Variants in ZNF300 observed in about 807,000 individuals in gnomAD.
ZNF300 encodes the protein kruppel-like zinc finger protein.
Under a neutral mutation model 13.9 loss-of-function variants are expected in ZNF300, and 6 were observed. The observed-to-expected ratio is 0.43, with a 90% CI of 0.24 to 0.85. ZNF300 has a LOEUF of 0.85. ZNF300 is among the 40% of genes least tolerant of loss of function. The pLI is 0.25. For synonymous variants in ZNF300, 237 were observed against 242.2 expected (o/e 0.98, Z 0.20); for missense variants, 662 against 714.2 (o/e 0.93, Z 0.83).
Position 150,896,655 on chromosome 5 carries a change from T to TTTAAG in ZNF300, c.579_583dup (p.Lys195ThrfsTer2). 2 of 1,613,530 alleles carry TTTAAG rather than the reference T, an allele frequency of 1.2e-6. No individual in the cohort carries two copies. Among genetic ancestry groups the TTTAAG allele is most frequent in the Non-Finnish European group, 8.5e-7 (1 of 1,179,768 alleles). On this transcript the variant is annotated stop_gained and frameshift_variant, in exon 6 of 6. Coordinates refer to ENST00000274599, the MANE Select transcript of ZNF300 (RefSeq NM_052860.4). LOFTEE classifies it low-confidence loss of function (END_TRUNC). ...ACAACTCGGTAGGTCAATATTTGGT[T>TTTAAG]TTAAGTTCTTTTTAAAAGCATCATA...
intron 3 of ZNF300, among the ~76,000 whole-genome samples, chr5:150,898,905 T>C (rs1031735778): frequency 6.6e-6 from 1 of 152,016 alleles, no homozygotes; most frequent in Non-Finnish European, 1.5e-5. Context: ...TATTTATATG[T>C]TGAAGTCCTA....
chr5:150,897,889 C>A, intron 5 of ZNF300, 173 bp downstream of exon 5: 1 of 715,576 alleles, frequency 1.4e-6, no homozygotes, highest in Non-Finnish European at 2.2e-6. Flanking sequence ...TATATACACA[C>A]AAGAGACAGG....
intron 2 of ZNF300, chr5:150,903,529 A>G (rs886110571): frequency 3.0e-6 from 2 of 676,704 alleles, no homozygotes; most frequent in African/African-American, 3.6e-5. Context: ...GGCAATAATC[A>G]TGGATAGCTA....
rs773634665 is a variant in ZNF300 at position 150,896,030 on chromosome 5, A to G, written c.1209T>C (p.His403=). 3.7e-6 allele frequency: 6 copies of G among 1,613,224 alleles called. No homozygotes were observed. The East Asian group carries it at 8.9e-5, about 24-fold the overall frequency. Residue 403 remains histidine, a synonymous_variant, in exon 6 of 6, where the codon CAT becomes CAC. Coordinates refer to ENST00000274599, the MANE Select transcript of ZNF300 (RefSeq NM_052860.4). The part of the protein sequence containing the change: ...KSQLIIHHRA[H]TGEKPYECTE... ...TACACTCATACGGCTTCTCTCCAGTATGAGCTCTGTGGTGTATAATCAGCT... is the reference window on the plus strand; with the variant it reads ...TACACTCATACGGCTTCTCTCCAGTGTGAGCTCTGTGGTGTATAATCAGCT...
chr5:150,903,192 C>T lies in ZNF300; in HGVS notation c.-27-10G>A, dbSNP rs1353981064. ...CCAAAAGGCCAGATGACTGAAAAAGCAAAACTGGTGATCAGAATGTTTTTC... is the reference window on the plus strand; with the variant it reads ...CCAAAAGGCCAGATGACTGAAAAAGTAAAACTGGTGATCAGAATGTTTTTC... On this transcript the variant is annotated splice_polypyrimidine_tract_variant and intron_variant, in intron 2 of 5. Coordinates refer to ENST00000274599, the MANE Select transcript of ZNF300 (RefSeq NM_052860.4). 2.5e-6 allele frequency: 4 copies of T among 1,613,752 alleles called. No individual in the cohort carries two copies. Among genetic ancestry groups the T allele is most frequent in the Admixed American group, 1.7e-5 (1 of 59,994 alleles).
At chr5:150,897,300 T>C (rs1401669746) in intron 5 of ZNF300, 2 of 216,188 alleles carry the variant, frequency 9.3e-6, no homozygotes, top group East Asian at 1.0e-4. Flanking sequence ...ATTTATATTA[T>C]AAATCATGTG....
chr5:150,899,165 AT>A, intron 3 of ZNF300, among the ~76,000 whole-genome samples: 1 of 152,228 alleles, frequency 6.6e-6, no homozygotes, highest in Non-Finnish European at 1.5e-5. Context: ...AACAACCTTG[AT>A]TTTGGACTTC....
rs1367891141 is a variant in ZNF300 at position 150,895,428 on chromosome 5, G to T, written c.1811C>A (p.Ser604Ter). 6.3e-7 allele frequency: 1 copy of T among 1,592,548 alleles called. No homozygotes were observed. Among genetic ancestry groups the T allele is most frequent in the Admixed American group, 1.7e-5 (1 of 57,922 alleles). Reference sequence around the variant, plus strand: ...GGCTTTTCTGTGGCCAGTTCATTATGATTTTACCACTGTGTGAATTCTCTG... The same window carrying T: ...GGCTTTTCTGTGGCCAGTTCATTATTATTTTACCACTGTGTGAATTCTCTG... Reference protein sequence around the residue: ...VHQRIHTVVKS With the variant: ...VHQRIHTVVK Residue 604 changes from serine (S) to a stop codon, truncating the protein, a stop_gained, in exon 6 of 6, where the codon TCA (serine) becomes TAA (stop). Coordinates refer to ENST00000274599, the MANE Select transcript of ZNF300 (RefSeq NM_052860.4). LOFTEE classifies it high-confidence loss of function.
At position 150,895,129 on chromosome 5, in the gene ZNF300, CATTTTG is replaced by C. The variant is rs1754707921; in HGVS notation, c.*289_*294del. 3.9e-6 allele frequency: 1 copy of C among 258,562 alleles called. No individual in the cohort carries two copies. Among genetic ancestry groups the C allele is most frequent in the South Asian group, 1.5e-4 (1 of 6,490 alleles). 16.0% of individuals were successfully genotyped at this position (258,562 alleles called of 1,614,324 possible). A position where few individuals can be genotyped will look rare whatever the true frequency, so the allele number is the denominator to read the frequency against. On this transcript the variant is annotated 3_prime_UTR_variant, in exon 6 of 6. Coordinates refer to ENST00000274599, the MANE Select transcript of ZNF300 (RefSeq NM_052860.4). ...TAGCAGTTTCACAATGGCTGATTATCATTTTGTAGTATAAGGAATATGCAACTTGAC... is the reference window on the plus strand; with the variant it reads ...TAGCAGTTTCACAATGGCTGATTATCTAGTATAAGGAATATGCAACTTGAC...
At chr5:150,897,009 C>A in intron 5 of ZNF300, 36 bp from the exon 6 acceptor site, 1 of 1,517,828 alleles carries the variant, frequency 6.6e-7, no homozygotes, top group Non-Finnish European at 8.9e-7. Context: ...AGAGTCATCA[C>A]AAGAGTCAAT....
Position 150,896,109 on chromosome 5 carries a change from C to T in ZNF300, c.1130G>A (p.Gly377Glu). 2 of 1,613,388 alleles carry T rather than the reference C, an allele frequency of 1.2e-6. No individual in the cohort carries two copies. The highest frequency in any genetic ancestry group is 2.2e-5 in the South Asian group (2 of 91,056). ...CTCTCTACATTCATAGGGTTTTTCC[C>T]CAGTATGTATTCTCTGATGTATAAT... ...PLIIHQRIHT[G>E]EKPYECRECG... is the part of the protein sequence containing the mutation. The change falls in exon 6 of 6, where the codon GGG becomes GAG. Residue 377 changes from glycine to glutamate, a missense_variant. Coordinates refer to ENST00000274599, the MANE Select transcript of ZNF300 (RefSeq NM_052860.4).
chr5:150,895,743 C>T lies in ZNF300; in HGVS notation c.1496G>A (p.Gly499Asp), dbSNP rs769057700. The T allele has an allele frequency of 6.2e-7, 1 of 1,613,524 alleles. No homozygotes were observed. Among genetic ancestry groups the T allele is most frequent in the South Asian group, 1.1e-5 (1 of 91,050 alleles). Residue 499 changes from glycine (G) to aspartate (D), a missense_variant, in exon 6 of 6, where the codon GGC (glycine) becomes GAC (aspartate). Transcript: ENST00000274599. ...ATGTGACTTCTGGCAGAAGGCTTTG[C>T]CACATTCACTACATTTATAGGGTTT... ...GEKPYKCSEC[G>D]KAFCQKSHLI... is the part of the protein sequence containing the mutation.
intron 3 of ZNF300, among the ~76,000 whole-genome samples, chr5:150,902,362 T>C (rs533427784): frequency 2.5e-3 from 373 of 152,238 alleles, no homozygotes; most frequent in African/African-American, 8.7e-3. Flanking sequence ...AAATACATAG[T>C]TTAGAAAAAC....
At chr5:150,903,023 G>A in intron 3 of ZNF300, 118 bp downstream of exon 3, 4 of 1,053,822 alleles carry the variant, frequency 3.8e-6, no homozygotes, top group Admixed American at 2.2e-5. Context: ...CTCTTTCGAG[G>A]TCTTGATCTT....
chr5:150,898,641 T>G (rs1031081180), intron 3 of ZNF300, 87 bp from the exon 4 acceptor site: 1 of 1,398,056 alleles, frequency 7.2e-7, no homozygotes, highest in Non-Finnish European at 9.5e-7. Flanking sequence ...CACCTAGTTT[T>G]GTATAATAGT....
At chr5:150,904,169 G>T (rs1379837398) in intron 1 of ZNF300, among the ~76,000 whole-genome samples, 192 bp from the exon 2 acceptor site, 3 of 152,072 alleles carry the variant, frequency 2.0e-5, no homozygotes, top group African/African-American at 7.2e-5. Flanking sequence ...TTTGATGGGG[G>T]TACCATCAGA....
In ZNF300 at chr5:150,896,010, T is replaced by G; in HGVS notation, c.1229A>C (p.Glu410Ala). ...HRAHTGEKPYECTECGKAFCE... is the reference protein window; with the variant it reads ...HRAHTGEKPYACTECGKAFCE... ...GAAGGCTTTCCCACATTCGGTACAC[T>G]CATACGGCTTCTCTCCAGTATGAGC... is the stretch of plus-strand genomic sequence containing the variant. Residue 410 changes from glutamate (E) to alanine (A), a missense_variant, in exon 6 of 6, where the codon GAG (glutamate) becomes GCG (alanine). Coordinates refer to ENST00000274599, the MANE Select transcript of ZNF300 (RefSeq NM_052860.4). The G allele has an allele frequency of 6.2e-7, 1 of 1,613,510 alleles. No homozygotes were observed.
In ZNF300 at chr5:150,894,832, C is replaced by T. The variant is rs1754697892; in HGVS notation, c.*592G>A. 6.6e-6 allele frequency: 1 copy of T among 152,236 alleles called. No homozygotes were observed. Among genetic ancestry groups the T allele is most frequent in the Non-Finnish European group, 1.5e-5 (1 of 68,006 alleles). The allele number at this position is 152,236 out of a possible 1,614,324, so 9.4% of individuals were successfully genotyped here. ...CCAGTTGGGAAGAGTAAAAGGGAGA[C>T]CTGCTCAAAATGCATCAATCTCAAG... On this transcript the variant is annotated 3_prime_UTR_variant, in exon 6 of 6. Transcript: ENST00000274599.
chr5:150,898,897 T>A (rs1754895191), intron 3 of ZNF300, among the ~76,000 whole-genome samples: 1 of 151,980 alleles, frequency 6.6e-6, no homozygotes, highest in East Asian at 1.9e-4. Flanking sequence ...CTCCTGAATA[T>A]TTATATGTTG....
Sources: gnomAD v4.1 joint callset for allele counts (sites outside exome capture counted in the v4.1 genomes callset) on GRCh38, gnomAD v4.1.1 for gene constraint, MANE v1.5 for transcripts, NCBI Gene and HGNC (gene_info 2026-07-23, HGNC 2026-07-21) for gene names.